CRPPA: variants seen among roughly 807,000 people sequenced by gnomAD.
The protein encoded by CRPPA is CDP-L-ribitol pyrophosphorylase A, also known as D-ribitol-5-phosphate cytidylyltransferase.
CRPPA carries 43 observed loss-of-function variants against 52.0 expected under a neutral mutation model. That is an observed-to-expected ratio of 0.83 (90% CI 0.65 to 1.07). The LOEUF (loss-of-function observed/expected upper bound fraction) is 1.07. Among genes scored for constraint, CRPPA ranks in the 50% least tolerant of loss-of-function variants. The probability of loss-of-function intolerance (pLI) is 0.00; values close to 1 mark genes in which losing one functional copy is unlikely to be tolerated. For synonymous variants in CRPPA, 250 were observed against 203.5 expected, an observed-to-expected ratio of 1.23 and a Z score of -1.94; for missense variants, 629 against 551.7, an observed-to-expected ratio of 1.14 and a Z score of -1.40.
chr7:16,358,003 G>A (rs530899656), intron 3 of CRPPA, among the ~76,000 whole-genome samples: 7 of 152,198 alleles, frequency 4.6e-5, no homozygotes, highest in Admixed American at 6.5e-5. Context: ...TGACAGACTG[G>A]CCTGACAAGC....
At chr7:16,323,614 T>C (rs1270606549) in intron 3 of CRPPA, among the ~76,000 whole-genome samples, 1 of 152,208 alleles carries the variant, frequency 6.6e-6, no homozygotes, top group South Asian at 2.1e-4. Flanking sequence ...CACAGAGGCA[T>C]GAACATAATT....
chr7:16,250,595 C>G (rs1304406719), intron 8 of CRPPA, among the ~76,000 whole-genome samples: 1 of 152,154 alleles, frequency 6.6e-6, no homozygotes, highest in East Asian at 1.9e-4. Flanking sequence ...AAAGAATTTT[C>G]AACCCAGAAT....
chr7:16,168,374 A>T (rs1260888094), intron 9 of CRPPA, among the ~76,000 whole-genome samples: 2 of 152,138 alleles, frequency 1.3e-5, no homozygotes, highest in East Asian at 3.8e-4. Context: ...TCCTTTATAC[A>T]CAAACCAGTA....
In CRPPA at chr7:16,307,673, CAAAAAAAAAAAA is replaced by C. The variant is rs55682769; in HGVS notation, c.789+838_789+849del. On this transcript the variant is annotated intron_variant, in intron 4 of 9. Transcript: ENST00000407010. Reference sequence around the variant, plus strand: ...CTGGGCCAGAAGAGTGAAACTCTGTCAAAAAAAAAAAAAAAAAAAAAAAAAAAGAAGCAAGTT... The same window carrying C: ...CTGGGCCAGAAGAGTGAAACTCTGTCAAAAAAAAAAAAAAAGAAGCAAGTT... 3.2e-4 allele frequency among the ~76,000 whole-genome samples: 14 copies of C among 44,366 alleles called. 1 individual carries two copies. The Middle Eastern group carries it at 0.056, about 176-fold the overall frequency. The allele number at this position is 44,366 out of a possible 152,430, so 29.1% of individuals were successfully genotyped here.
intron 9 of CRPPA, among the ~76,000 whole-genome samples, chr7:16,095,662 C>CT (rs1275162738): frequency 6.6e-6 from 1 of 152,154 alleles, no homozygotes. Context: ...AGCTGTCATG[C>CT]TGAGAGCTTT....
chr7:16,218,228 G>A (rs1316269057), intron 8 of CRPPA, among the ~76,000 whole-genome samples: 1 of 139,672 alleles, frequency 7.2e-6, no homozygotes, highest in East Asian at 2.1e-4. Context: ...ATACTTTACA[G>A]ACAAGCAAAT....
intron 9 of CRPPA, among the ~76,000 whole-genome samples, chr7:16,174,160 G>C (rs891448118): frequency 1.3e-5 from 2 of 152,094 alleles, no homozygotes; most frequent in Non-Finnish European, 2.9e-5. Flanking sequence ...CCATTTACAA[G>C]ACACATTGCA....
intron 2 of CRPPA, among the ~76,000 whole-genome samples, chr7:16,385,076 A>G (rs1787221228): frequency 6.6e-6 from 1 of 152,210 alleles, no homozygotes; most frequent in Non-Finnish European, 1.5e-5. Context: ...CTAGAGAGGA[A>G]TCAATGAACT....
Position 16,237,868 on chromosome 7 carries a change from T to C in CRPPA, c.1119+20522A>G, listed in dbSNP as rs114314583. On this transcript the variant is annotated intron_variant, in intron 8 of 9. Transcript: ENST00000407010. The stretch of plus-strand genomic sequence containing the variant: ...CACTCTATGTGCTTCTTTGTCCATA[T>C]AGAAATGCCAGTCCTCTCACTCCTC... Among the ~76,000 whole-genome samples, 967 of 152,328 alleles carry C rather than the reference T, an allele frequency of 6.3e-3. 16 individuals carry two copies. The highest frequency in any genetic ancestry group is 0.023 in the African/African-American group (949 of 41,578).
At position 16,382,610 on chromosome 7, in the gene CRPPA, C is replaced by T. The variant is rs527373141; in HGVS notation, c.535-6369G>A. Among the ~76,000 whole-genome samples, 3 of 152,008 alleles carry T rather than the reference C, an allele frequency of 2.0e-5. No homozygotes were observed. In the South Asian group the frequency reaches 6.2e-4, roughly 32 times the overall value. Reference sequence around the variant, plus strand: ...GTTTTCCAACTTGGTTCCATTCTCCCCGTCACTTTCAGGTACACCAATCAG... The same window carrying T: ...GTTTTCCAACTTGGTTCCATTCTCCTCGTCACTTTCAGGTACACCAATCAG... On this transcript the variant is annotated intron_variant, in intron 2 of 9. Coordinates refer to ENST00000407010, the MANE Select transcript of CRPPA (RefSeq NM_001101426.4).
At chr7:16,389,456 C>CA (rs150294246) in intron 2 of CRPPA, among the ~76,000 whole-genome samples, 17,548 of 150,426 alleles carry the variant, frequency 0.12, 1,128 homozygotes, top group South Asian at 0.24. Flanking sequence ...TTCAACATAT[C>CA]AAAAAAAAAG....
chr7:16,253,643 C>G (rs1041970857), intron 8 of CRPPA, among the ~76,000 whole-genome samples: 2 of 151,892 alleles, frequency 1.3e-5, no homozygotes, highest in African/African-American at 4.8e-5. Context: ...GAGATGAGTT[C>G]AAGTTAGGCA....
chr7:16,324,959 T>C (rs1785348782), intron 3 of CRPPA, among the ~76,000 whole-genome samples: 1 of 152,232 alleles, frequency 6.6e-6, no homozygotes, highest in Non-Finnish European at 1.5e-5. Flanking sequence ...CTGCTAAGGA[T>C]GGTGCAGCCT....
At chr7:16,395,253 T>C (rs1035787738) in intron 2 of CRPPA, among the ~76,000 whole-genome samples, 7 of 152,200 alleles carry the variant, frequency 4.6e-5, no homozygotes. Flanking sequence ...TGGAAATCAT[T>C]GATACAAATC....
intron 9 of CRPPA, among the ~76,000 whole-genome samples, chr7:16,184,475 T>C (rs1470594725): frequency 6.6e-6 from 1 of 152,178 alleles, no homozygotes; most frequent in Non-Finnish European, 1.5e-5. Context: ...ATTTAGTAAA[T>C]AAAGTAAATG....
chr7:16,271,224 C>T (rs1784082751), intron 6 of CRPPA, among the ~76,000 whole-genome samples: 1 of 152,018 alleles, frequency 6.6e-6, no homozygotes, highest in Non-Finnish European at 1.5e-5. Context: ...TTTAGGAGTT[C>T]CATTCTTTTA....
chr7:16,160,890 T>A (rs879427568), intron 9 of CRPPA, among the ~76,000 whole-genome samples: 1 of 152,160 alleles, frequency 6.6e-6, no homozygotes, highest in Non-Finnish European at 1.5e-5. Flanking sequence ...CTCTTGTGAG[T>A]TGTATTCCTA....
At chr7:16,100,524 A>G (rs1463680794) in intron 9 of CRPPA, among the ~76,000 whole-genome samples, 2 of 152,230 alleles carry the variant, frequency 1.3e-5, no homozygotes, top group Non-Finnish European at 2.9e-5. Context: ...TTACCTTAAG[A>G]TATCTTTGAA....
At chr7:16,215,618 T>G (rs1313808439) in intron 9 of CRPPA, among the ~76,000 whole-genome samples, 1 of 152,190 alleles carries the variant, frequency 6.6e-6, no homozygotes, top group Non-Finnish European at 1.5e-5. Context: ...ACCAATATCT[T>G]TAACATAACA....
Sources: allele counts gnomAD v4.1 joint callset (sites outside exome capture counted in the v4.1 genomes callset), GRCh38; gene constraint gnomAD v4.1.1; transcripts MANE v1.5; gene names NCBI Gene and HGNC (gene_info 2026-07-23, HGNC 2026-07-21).